PIAS4: variants seen among roughly 807,000 people sequenced by gnomAD.
The protein encoded by PIAS4 is protein inhibitor of activated STAT 4.
PIAS4 carries 7 observed loss-of-function variants against 58.0 expected under a neutral mutation model. The ratio of observed to expected loss-of-function variants is 0.12; its 90% CI spans 0.07 to 0.23. PIAS4 has a LOEUF of 0.23. Ranked by LOEUF, PIAS4 falls within the 10% of genes least tolerant of loss-of-function variation. The pLI, the probability that PIAS4 is intolerant of heterozygous loss-of-function variation, is 1.00. For missense variants in PIAS4, 550 were observed against 709.5 expected, an observed-to-expected ratio of 0.78 and a Z score of 2.55; for synonymous variants, 364 against 312.4, an observed-to-expected ratio of 1.17 and a Z score of -1.74.
chr19:4,012,073 G>A (rs2040001048), intron 1 of PIAS4, among the ~76,000 whole-genome samples: 2 of 149,830 alleles, frequency 1.3e-5, no homozygotes, highest in Admixed American at 1.3e-4. Context: ...GGGGTGTGGA[G>A]GTGTGTTTGG....
At position 4,014,834 on chromosome 19, in the gene PIAS4, G is replaced by A. The variant is rs145587326; in HGVS notation, c.454+1485G>A. Among the ~76,000 whole-genome samples, 1,511 of 152,356 alleles carry A rather than the reference G, an allele frequency of 9.9e-3. 87 individuals are homozygous for A. The highest frequency in any genetic ancestry group is 0.089 in the Admixed American group (1,368 of 15,306). On this transcript the variant is annotated intron_variant, in intron 2 of 10. Transcript: ENST00000262971. ...GCGTTGATGGGGGTAGGGGGAAGGG[G>A]AACTGGCTGCTTTTCCCCTCCCATC...
chr19:4,037,795 G>A lies in PIAS4; in HGVS notation c.1453G>A (p.Glu485Lys). The A allele has an allele frequency of 2.5e-6, 4 of 1,595,938 alleles. No individual in the cohort carries two copies. Among genetic ancestry groups the A allele is most frequent in the African/African-American group, 1.3e-5 (1 of 74,748 alleles). ...GGAGGATGAGGAGGAGGAGGAAGAG[G>A]AGGAGGAAGACGAGGACGAAGAGGG... Reference protein sequence around the residue: ...SSEDEEEEEEEEEDEDEEGPR... With the variant: ...SSEDEEEEEEKEEDEDEEGPR... Residue 485 changes from glutamate to lysine, a missense_variant, in exon 11 of 11, where the codon GAG (glutamate) becomes AAG (lysine). By Grantham distance (56) the Glu-to-Lys change is moderately conservative. Transcript: ENST00000262971. The surrounding 1 kb of genome is among the most constrained non-coding windows in gnomAD (Gnocchi z 5.8).
intron 9 of PIAS4, among the ~76,000 whole-genome samples, 171 bp downstream of exon 9, chr19:4,033,751 C>G (rs186726202): frequency 2.6e-5 from 4 of 152,116 alleles, no homozygotes; most frequent in Non-Finnish European, 5.9e-5. Context: ...TTCTTTCTCG[C>G]GGAACTTCTC....
Position 4,029,048 on chromosome 19 carries a change from A to C in PIAS4, c.907+12A>C. 1.9e-6 allele frequency: 3 copies of C among 1,577,102 alleles called. No homozygotes were observed. Among genetic ancestry groups the C allele is most frequent in the Non-Finnish European group, 2.6e-6 (3 of 1,157,480 alleles). On this transcript the variant is annotated intron_variant, in intron 7 of 10. Coordinates refer to ENST00000262971, the MANE Select transcript of PIAS4 (RefSeq NM_015897.4). The stretch of plus-strand genomic sequence containing the variant: ...GTGCAAGGCACTGGGTGAGCAGCTC[A>C]GGCCACCTCGGCCGAGGGGTGCCAA...
chr19:4,027,887 G>A (rs2040182892), intron 3 of PIAS4, among the ~76,000 whole-genome samples: 2 of 152,102 alleles, frequency 1.3e-5, no homozygotes, highest in Non-Finnish European at 2.9e-5. Flanking sequence ...TCTTCGCAGG[G>A]AGAGGCACCT....
At chr19:4,024,689 G>A (rs1367686007) in intron 3 of PIAS4, among the ~76,000 whole-genome samples, 3 of 152,024 alleles carry the variant, frequency 2.0e-5, no homozygotes, top group Admixed American at 1.3e-4. Flanking sequence ...GGGGGTCCCC[G>A]GTTTACACCG....
intron 9 of PIAS4, among the ~76,000 whole-genome samples, chr19:4,036,831 G>C (rs1011720303): frequency 3.4e-5 from 5 of 148,864 alleles, no homozygotes; most frequent in African/African-American, 1.2e-4. Flanking sequence ...AGTCCACACC[G>C]TCACACACAC....
rs751378573 is a variant in PIAS4, at chr19:4,013,770, T to G, written c.454+421T>G. Among the ~76,000 whole-genome samples the G allele has an allele frequency of 3.3e-5, 5 of 152,162 alleles. No individual in the cohort carries two copies. The highest frequency in any genetic ancestry group is 7.4e-5 in the Non-Finnish European group (5 of 68,008). ...GCTCTTGGCCACAGTCCCCAGGTCC[T>G]CATGGTGCGGACTCCTGCACGGATT... On this transcript the variant is annotated intron_variant, in intron 2 of 10. Transcript: ENST00000262971. This position sits in a 1 kb window ranked among gnomAD's most constrained non-coding sequence, Gnocchi z 5.1.
chr19:4,024,087 C>T lies in PIAS4; in HGVS notation c.506C>T (p.Thr169Met). 1.9e-6 allele frequency: 3 copies of T among 1,613,994 alleles called. No individual in the cohort carries two copies. The highest frequency in any genetic ancestry group is 2.5e-6 in the Non-Finnish European group (3 of 1,179,848). The change falls in exon 3 of 11, where the codon ACG (threonine) becomes ATG (methionine). Residue 169 changes from threonine (T) to methionine (M), a missense_variant. By Grantham distance (81) the Thr-to-Met change is moderately conservative. Around this residue, in one of 4 missense-constraint regions of PIAS4, gnomAD observed 225 missense variants for 345.8 expected, o/e 0.65. Coordinates refer to ENST00000262971, the MANE Select transcript of PIAS4 (RefSeq NM_015897.4). Reference sequence around the variant, plus strand: ...GAGAGCCCGTGCATCTTCGCATTGACGCCAAGACAGGTGGAGTTGATCCGG... The same window carrying T: ...GAGAGCCCGTGCATCTTCGCATTGATGCCAAGACAGGTGGAGTTGATCCGG... ...LQESPCIFAL[T>M]PRQVELIRNS...
intron 7 of PIAS4, among the ~76,000 whole-genome samples, chr19:4,032,849 C>T (rs2040234995): frequency 6.6e-6 from 1 of 152,206 alleles, no homozygotes; most frequent in African/African-American, 2.4e-5. Flanking sequence ...TGGGGGAGGC[C>T]ACATAGGCCA....
At chr19:4,033,079 T>G (rs879053114) in intron 7 of PIAS4, 21 bp from the exon 8 acceptor site, 2 of 1,604,462 alleles carry the variant, frequency 1.2e-6, no homozygotes, top group South Asian at 2.2e-5. Context: ...CCTGACGGTG[T>G]CTTCCGTTCC....
intron 4 of PIAS4, 127 bp from the exon 5 acceptor site, chr19:4,028,383 T>TA (rs2040189177): frequency 1.2e-6 from 1 of 807,042 alleles, no homozygotes; most frequent in Non-Finnish European, 2.0e-6. Context: ...GGGGCCCTGA[T>TA]ACCCCCCGTG....
In PIAS4 at chr19:4,030,198, A is replaced by G. The variant is rs1226547385; in HGVS notation, c.907+1162A>G. Among the ~76,000 whole-genome samples the G allele has an allele frequency of 1.3e-5, 2 of 150,344 alleles. 1 individual carries two copies. Among genetic ancestry groups the G allele is most frequent in the Non-Finnish European group, 3.0e-5 (2 of 67,638 alleles). ...GGCTGGTCGTAAACTCCTGAGCTCA[A>G]GCAGTGCACCTGCCTCAATCTCCCA... On this transcript the variant is annotated intron_variant, in intron 7 of 10. Transcript: ENST00000262971.
chr19:4,023,096 C>T (rs981152581), intron 2 of PIAS4, among the ~76,000 whole-genome samples: 9 of 149,288 alleles, frequency 6.0e-5, no homozygotes, highest in Non-Finnish European at 1.0e-4. Flanking sequence ...CACTTGAACC[C>T]AGGAGGTGGA....
At chr19:4,028,210 C>T in intron 4 of PIAS4, 23 bp downstream of exon 4, 1 of 1,605,334 alleles carries the variant, frequency 6.2e-7, no homozygotes, top group Non-Finnish European at 8.5e-7. Context: ...GTGCCCGCGA[C>T]CCCAGGGCTG....
At chr19:4,009,388 G>C (rs1246715237) in intron 1 of PIAS4, among the ~76,000 whole-genome samples, 1 of 152,198 alleles carries the variant, frequency 6.6e-6, no homozygotes, top group Non-Finnish European at 1.5e-5. Context: ...CAAAGTGGCA[G>C]GCTCTGGGCT....
chr19:4,033,394 C>G, intron 8 of PIAS4, 26 bp from the exon 9 acceptor site: 1 of 1,541,430 alleles, frequency 6.5e-7, no homozygotes, highest in Non-Finnish European at 8.7e-7. Flanking sequence ...GAGGGGTGCC[C>G]TGCTCACGCA....
intron 3 of PIAS4, among the ~76,000 whole-genome samples, chr19:4,027,670 C>T (rs2040180872): frequency 6.6e-6 from 1 of 151,544 alleles, no homozygotes. Flanking sequence ...AGACGATCCC[C>T]CTGCCTCAGC....
intron 2 of PIAS4, among the ~76,000 whole-genome samples, chr19:4,021,938 A>G (rs2040114187): frequency 6.6e-6 from 1 of 151,658 alleles, no homozygotes; most frequent in East Asian, 2.0e-4. Flanking sequence ...TTGTAGAGAC[A>G]AGGTCTCACT....
Sources: gnomAD v4.1 joint callset for allele counts (sites outside exome capture counted in the v4.1 genomes callset) on GRCh38, gnomAD v4.1.1 for gene constraint, gnomAD v4.1.1 regional missense constraint, Gnocchi (gnomAD v3.1) non-coding constraint, MANE v1.5 for transcripts, NCBI Gene and HGNC (gene_info 2026-07-23, HGNC 2026-07-21) for gene names.